Variants in CGNL1 observed in about 807,000 individuals in gnomAD.
CGNL1 encodes the protein cingulin-like protein 1.
A neutral mutation model predicts 141.2 loss-of-function variants in CGNL1; 132 were observed. The ratio of observed to expected loss-of-function variants is 0.93; its 90% CI spans 0.81 to 1.08. CGNL1 has a LOEUF of 1.08. Ranked by LOEUF, CGNL1 falls within the 50% of genes least tolerant of loss-of-function variation. CGNL1 has a pLI of 0.00. For missense variants in CGNL1, 1,870 were observed against 1,588.6 expected (o/e 1.18, Z -3.01); for synonymous variants, 690 against 622.1 (o/e 1.11, Z -1.63).
chr15:57,490,873 G>T (rs998108090), intron 8 of CGNL1, among the ~76,000 whole-genome samples: 3 of 152,122 alleles, frequency 2.0e-5, no homozygotes, highest in Admixed American at 1.3e-4. Flanking sequence ...TGCTGAAAAT[G>T]ACACTTTACC....
At chr15:57,405,810 C>CTTT (rs1567096710) in intron 1 of CGNL1, among the ~76,000 whole-genome samples, 21 of 75,214 alleles carry the variant, frequency 2.8e-4, no homozygotes, top group East Asian at 2.6e-3. Flanking sequence ...TTCTTTCTTT[C>CTTT]CTTCTTTCTT....
chr15:57,543,598 A>G, intron 14 of CGNL1, 98 bp from the exon 15 acceptor site: 1 of 1,063,458 alleles, frequency 9.4e-7, no homozygotes, highest in Non-Finnish European at 1.4e-6. Flanking sequence ...CCCCCTTCAT[A>G]AAGTGGAGGT....
chr15:57,377,438 T>C (rs2062377075), intron 1 of CGNL1, among the ~76,000 whole-genome samples: 1 of 152,130 alleles, frequency 6.6e-6, no homozygotes, highest in African/African-American at 2.4e-5. Flanking sequence ...ATGGAATTTT[T>C]AAGACGCCGC....
intron 9 of CGNL1, among the ~76,000 whole-genome samples, chr15:57,518,070 G>A (rs2030964653): frequency 6.6e-6 from 1 of 151,864 alleles, no homozygotes; most frequent in Non-Finnish European, 1.5e-5. Context: ...GAGGCTGAGA[G>A]GTGGGAGGGA....
chr15:57,379,599 A>C (rs1267450961), intron 1 of CGNL1, among the ~76,000 whole-genome samples: 1 of 152,106 alleles, frequency 6.6e-6, no homozygotes, highest in Non-Finnish European at 1.5e-5. Context: ...AAAAATATCC[A>C]ACTGATTTTA....
intron 1 of CGNL1, among the ~76,000 whole-genome samples, chr15:57,401,392 C>T (rs1042426104): frequency 1.3e-5 from 2 of 152,134 alleles, no homozygotes; most frequent in African/African-American, 4.8e-5. Flanking sequence ...TTTTAAGCCT[C>T]AACTCCAAAC....
chr15:57,453,700 T>C lies in CGNL1; in HGVS notation c.2072T>C (p.Met691Thr), dbSNP rs146624350. The part of the protein sequence containing the change: ...KNLEELFQVK[M>T]EREQHQTEIR... The stretch of plus-strand genomic sequence containing the variant: ...CCTGCCAGGCTATTCCAGGTGAAGA[T>C]GGAACGGGAGCAGCATCAGACTGAG... Residue 691 changes from methionine (M) to threonine (T), a missense_variant, in exon 7 of 19, where the codon ATG (methionine) becomes ACG (threonine). Transcript: ENST00000281282. The C allele has an allele frequency of 5.3e-4, 861 of 1,613,816 alleles. 1 individual carries two copies. Among genetic ancestry groups the C allele is most frequent in the Admixed American group, 1.3e-3 (78 of 60,002 alleles).
At chr15:57,482,933 C>T (rs1307484451) in intron 8 of CGNL1, among the ~76,000 whole-genome samples, 1 of 152,100 alleles carries the variant, frequency 6.6e-6, no homozygotes, top group Non-Finnish European at 1.5e-5. Flanking sequence ...TACAGGCAGC[C>T]GCCACCTCGC....
chr15:57,427,770 C>A (rs968949951), intron 1 of CGNL1, among the ~76,000 whole-genome samples: 9 of 152,212 alleles, frequency 5.9e-5, no homozygotes, highest in African/African-American at 2.2e-4. Context: ...TTCCACACCC[C>A]CCCATGCCTC....
intron 6 of CGNL1, among the ~76,000 whole-genome samples, chr15:57,453,239 A>G (rs145011346): frequency 5.8e-4 from 88 of 152,298 alleles, no homozygotes; most frequent in African/African-American, 2.0e-3. Context: ...ATGTTCCAGT[A>G]AAACTTTACA....
At chr15:57,501,911 C>A (rs2064030607) in intron 8 of CGNL1, among the ~76,000 whole-genome samples, 1 of 152,156 alleles carries the variant, frequency 6.6e-6, no homozygotes. Flanking sequence ...GTCTGTGTGT[C>A]TAGAGGTGGT....
chr15:57,469,553 T>G (rs2063553777), intron 8 of CGNL1, among the ~76,000 whole-genome samples: 1 of 152,014 alleles, frequency 6.6e-6, no homozygotes, highest in African/African-American at 2.4e-5. Context: ...TGGGGGAGTT[T>G]CTAAAAGAAG....
intron 1 of CGNL1, among the ~76,000 whole-genome samples, chr15:57,403,126 T>G (rs1370261882): frequency 6.6e-6 from 1 of 152,186 alleles, no homozygotes; most frequent in African/African-American, 2.4e-5. Context: ...CAGGGAAGAC[T>G]TTCAAGGAGC....
Position 57,492,699 on chromosome 15 carries a change from G to GAA in CGNL1, c.2404-24072_2404-24071dup, listed in dbSNP as rs11395476. On this transcript the variant is annotated intron_variant, in intron 8 of 18. Transcript: ENST00000281282. ...CTTCATGACTTTTGTTGTCCATAAG[G>GAA]AAAAAAAAAACCCAAAACATTTCCT... Among the ~76,000 whole-genome samples the GAA allele has an allele frequency of 2.5e-3, 365 of 146,302 alleles. 5 individuals are homozygous for GAA. Among genetic ancestry groups the GAA allele is most frequent in the African/African-American group, 7.6e-3 (308 of 40,632 alleles).
At chr15:57,484,717 C>T (rs373105583) in intron 8 of CGNL1, among the ~76,000 whole-genome samples, 1 of 151,992 alleles carries the variant, frequency 6.6e-6, no homozygotes, top group East Asian at 1.9e-4. Context: ...CCTCCCCTTA[C>T]CCCCCAATCC....
chr15:57,451,459 C>A (rs754354947), intron 4 of CGNL1, 41 bp from the exon 5 acceptor site: 6 of 1,394,470 alleles, frequency 4.3e-6, no homozygotes, highest in East Asian at 2.3e-5. Flanking sequence ...AATAAAGCAC[C>A]CTGAACATTT....
At chr15:57,512,529 T>C (rs2030403899) in intron 8 of CGNL1, among the ~76,000 whole-genome samples, 1 of 152,098 alleles carries the variant, frequency 6.6e-6, no homozygotes, top group Non-Finnish European at 1.5e-5. Flanking sequence ...GGACTAAGTG[T>C]CTCAATACAC....
chr15:57,401,408 G>C (rs561110610), intron 1 of CGNL1, among the ~76,000 whole-genome samples: 1 of 152,096 alleles, frequency 6.6e-6, no homozygotes. Flanking sequence ...CAAACCGTCC[G>C]TCAGAATTTC....
chr15:57,491,750 C>G (rs72739761), intron 8 of CGNL1, among the ~76,000 whole-genome samples: 1 of 152,036 alleles, frequency 6.6e-6, no homozygotes, highest in Admixed American at 6.6e-5. Context: ...TGCCTACTCT[C>G]TCTACTTTAG....
Sources: allele counts gnomAD v4.1 joint callset (sites outside exome capture counted in the v4.1 genomes callset), GRCh38; gene constraint gnomAD v4.1.1; transcripts MANE v1.5; gene names NCBI Gene and HGNC (gene_info 2026-07-23, HGNC 2026-07-21).